DLGAP2: variants seen among roughly 807,000 people sequenced by gnomAD.
DLGAP2 encodes the protein disks large-associated protein 2.
In DLGAP2, 26 loss-of-function variants were observed where a neutral mutation model predicts 100.3. The ratio of observed to expected loss-of-function variants is 0.26; its 90% CI spans 0.19 to 0.36. The LOEUF is 0.36. Among genes scored for constraint, DLGAP2 ranks in the 10% least tolerant of loss-of-function variants. The pLI is 1.00. For missense variants in DLGAP2, 1,858 were observed against 1,453.2 expected (o/e 1.28, Z -4.53); for synonymous variants, 886 against 630.1 (o/e 1.41, Z -6.08).
chr8:1,607,499 T>C (rs1255521695), intron 6 of DLGAP2, among the ~76,000 whole-genome samples: 1 of 152,266 alleles, frequency 6.6e-6, no homozygotes, highest in East Asian at 1.9e-4. Flanking sequence ...AGTTGAAATA[T>C]AAAGCAATTT....
At chr8:817,849 C>G (rs536955782) in intron 1 of DLGAP2, among the ~76,000 whole-genome samples, 16 of 152,280 alleles carry the variant, frequency 1.1e-4, no homozygotes, top group African/African-American at 3.8e-4. Context: ...GATACCAGCA[C>G]CTGCTCCGGC....
At chr8:881,471 A>C in intron 1 of DLGAP2, among the ~76,000 whole-genome samples, 1 of 147,362 alleles carries the variant, frequency 6.8e-6, no homozygotes. Flanking sequence ...TTATTTTCTC[A>C]TCCTCTCCTT....
intron 2 of DLGAP2, among the ~76,000 whole-genome samples, chr8:966,970 T>C (rs1799887227): frequency 6.6e-6 from 1 of 152,272 alleles, no homozygotes; most frequent in Non-Finnish European, 1.5e-5. Context: ...GATGTGTCTC[T>C]TGCATTTGAG....
At chr8:1,569,343 C>G (rs1419784405) in intron 6 of DLGAP2, among the ~76,000 whole-genome samples, 1 of 152,242 alleles carries the variant, frequency 6.6e-6, no homozygotes, top group South Asian at 2.1e-4. Context: ...TTCTTTTTCC[C>G]TAAATCTGAC....
intron 3 of DLGAP2, among the ~76,000 whole-genome samples, chr8:1,330,837 G>C (rs563154473): frequency 6.8e-6 from 1 of 147,890 alleles, no homozygotes; most frequent in African/African-American, 2.5e-5. Flanking sequence ...TTCTGGGTGG[G>C]AGCACAGCTT....
chr8:1,595,558 T>A (rs1006047802), intron 6 of DLGAP2, among the ~76,000 whole-genome samples: 1 of 149,180 alleles, frequency 6.7e-6, no homozygotes, highest in African/African-American at 2.5e-5. Context: ...TCCCAGCTAC[T>A]CGGGAGGCTG....
intron 2 of DLGAP2, among the ~76,000 whole-genome samples, chr8:1,211,843 C>A (rs1798110928): frequency 6.6e-6 from 1 of 151,962 alleles, no homozygotes; most frequent in African/African-American, 2.4e-5. Flanking sequence ...CCATTGCACT[C>A]CAGCCTGGAT....
chr8:1,075,789 G>A (rs576772435), intron 2 of DLGAP2, among the ~76,000 whole-genome samples: 4 of 151,986 alleles, frequency 2.6e-5, no homozygotes, highest in African/African-American at 4.8e-5. Context: ...CTCAGAGGCC[G>A]GGTGTCCCAA....
intron 2 of DLGAP2, among the ~76,000 whole-genome samples, chr8:1,179,309 C>G (rs749428114): frequency 6.6e-6 from 1 of 152,264 alleles, no homozygotes; most frequent in Non-Finnish European, 1.5e-5. Flanking sequence ...CCCCCACCCC[C>G]CATTTTCGCC....
intron 13 of DLGAP2, 74 bp from the exon 14 acceptor site, chr8:1,697,073 G>A: frequency 1.4e-6 from 2 of 1,400,030 alleles, no homozygotes; most frequent in Admixed American, 3.2e-5. Context: ...GGCATGCGTG[G>A]GGAGGAGTGG....
At chr8:1,506,314 A>T (rs1799911607) in intron 4 of DLGAP2, among the ~76,000 whole-genome samples, 1 of 152,230 alleles carries the variant, frequency 6.6e-6, no homozygotes, top group South Asian at 2.1e-4. Flanking sequence ...AATTTATAGA[A>T]ATAGCGGAAG....
At chr8:1,688,722 A>G (rs1799176447) in intron 12 of DLGAP2, among the ~76,000 whole-genome samples, 1 of 152,232 alleles carries the variant, frequency 6.6e-6, no homozygotes, top group Non-Finnish European at 1.5e-5. Context: ...ATAGGTTTTT[A>G]AGTCCATTAT....
intron 2 of DLGAP2, among the ~76,000 whole-genome samples, chr8:1,012,516 G>A (rs989854390): frequency 2.0e-5 from 3 of 146,808 alleles, no homozygotes; most frequent in African/African-American, 7.6e-5. Context: ...CGGCAGTGTG[G>A]ACAACGTCCG....
chr8:1,637,950 C>G lies in DLGAP2; in HGVS notation c.1810+4904C>G, dbSNP rs944035152. On this transcript the variant is annotated intron_variant, in intron 8 of 14. Coordinates refer to ENST00000637795, the MANE Select transcript of DLGAP2 (RefSeq NM_001346810.2). ...GCTTCAGGGCTGGGCAGCAGAAACC[C>G]AGGGAGAGGGAGGTGCCAGCCTGAA... 9.9e-5 allele frequency among the ~76,000 whole-genome samples: 15 copies of G among 152,198 alleles called. 1 individual carries two copies. The highest frequency in any genetic ancestry group is 8.3e-4 in the South Asian group (4 of 4,832).
At chr8:1,363,344 T>C (rs1225107010) in intron 3 of DLGAP2, among the ~76,000 whole-genome samples, 1 of 152,152 alleles carries the variant, frequency 6.6e-6, no homozygotes, top group Non-Finnish European at 1.5e-5. Context: ...CGGCTGTCTC[T>C]CCTGCCTCTG....
At chr8:1,618,514 A>G (rs1797229257) in intron 6 of DLGAP2, among the ~76,000 whole-genome samples, 1 of 152,206 alleles carries the variant, frequency 6.6e-6, no homozygotes, top group African/African-American at 2.4e-5. Flanking sequence ...ATGTCATTCA[A>G]AGCAACCTCA....
In DLGAP2 at chr8:1,563,867, G is replaced by A. The variant is rs866602717; in HGVS notation, c.1231-1816G>A. Among the ~76,000 whole-genome samples the A allele has an allele frequency of 2.0e-5, 3 of 152,148 alleles. No individual in the cohort carries two copies. In the South Asian group the frequency reaches 6.2e-4, roughly 32 times the overall value. ...TCGGCTCACAGGCAATATGGACACT[G>A]GAAAGATGGCAGGTTCCTTTTCTGA... On this transcript the variant is annotated intron_variant, in intron 5 of 14. Coordinates refer to ENST00000637795, the MANE Select transcript of DLGAP2 (RefSeq NM_001346810.2).
intron 2 of DLGAP2, among the ~76,000 whole-genome samples, chr8:1,120,467 C>T (rs114501657): frequency 6.6e-6 from 1 of 152,140 alleles, no homozygotes; most frequent in Non-Finnish European, 1.5e-5. Flanking sequence ...GAAACCATAA[C>T]CACCTTTCTG....
chr8:1,203,934 T>C (rs897636476), intron 2 of DLGAP2, among the ~76,000 whole-genome samples: 35 of 151,740 alleles, frequency 2.3e-4, no homozygotes, highest in South Asian at 2.1e-4. Context: ...TGCCCCTGGG[T>C]GTGTGCATGT....
Sources: allele counts gnomAD v4.1 joint callset (sites outside exome capture counted in the v4.1 genomes callset), GRCh38; gene constraint gnomAD v4.1.1; transcripts MANE v1.5; gene names NCBI Gene and HGNC (gene_info 2026-07-23, HGNC 2026-07-21).